The following TAFA4 variants were observed in gnomAD, a reference collection of about 807,000 sequenced individuals.
The protein encoded by TAFA4 is chemokine-like protein TAFA-4.
Under a neutral mutation model 21.1 loss-of-function variants are expected in TAFA4, and 20 were observed. That is an observed-to-expected ratio of 0.95 (90% CI 0.67 to 1.38). TAFA4 has a LOEUF of 1.38. TAFA4 is among the 40% of genes most tolerant of loss of function. TAFA4 has a pLI of 0.00. For synonymous variants in TAFA4, 71 were observed against 67.4 expected (o/e 1.05, Z -0.26); for missense variants, 211 against 180.9 (o/e 1.17, Z -0.95).
Position 68,798,212 on chromosome 3 carries a change from T to C in TAFA4, c.131-45194A>G, listed in dbSNP as rs542293051. Among the ~76,000 whole-genome samples, 10 of 152,318 alleles carry C rather than the reference T, an allele frequency of 6.6e-5. No homozygotes were observed. The South Asian group carries it at 2.1e-3, about 32-fold the overall frequency. On this transcript the variant is annotated intron_variant, in intron 3 of 5. Transcript: ENST00000295569. ...ATGCAATTGGTAAATGGAGATATGC[T>C]GAAGTCAGCTGGTGTGTACAAAGGT...
Position 68,899,564 on chromosome 3 carries a change from G to A in TAFA4, c.-122-14254C>T, listed in dbSNP as rs530586939. Among the ~76,000 whole-genome samples, 7 of 152,214 alleles carry A rather than the reference G, an allele frequency of 4.6e-5. No individual in the cohort carries two copies. In the East Asian group the frequency reaches 9.7e-4, roughly 21 times the overall value. On this transcript the variant is annotated intron_variant, in intron 1 of 5. Transcript: ENST00000295569. ...TCACATTTATAACGCATTACAACCA[G>A]AACTTGAGGCCTAAGAAATTTCTAT...
Position 68,885,192 on chromosome 3 carries a change from A to C in TAFA4, c.-4T>G. The stretch of plus-strand genomic sequence containing the variant: ...AATCTTACCTTGGGGACCTCATAAG[A>C]TGTGGTTCTAGTCAAACACACTTAT... On this transcript the variant is annotated 5_prime_UTR_variant, in exon 2 of 6. Coordinates refer to ENST00000295569, the MANE Select transcript of TAFA4 (RefSeq NM_182522.5). 6.2e-7 allele frequency: 1 copy of C among 1,612,824 alleles called. No individual in the cohort carries two copies. Among genetic ancestry groups the C allele is most frequent in the Non-Finnish European group, 8.5e-7 (1 of 1,179,342 alleles).
chr3:68,803,373 A>G (rs555738042), intron 3 of TAFA4, among the ~76,000 whole-genome samples: 2 of 152,316 alleles, frequency 1.3e-5, no homozygotes, highest in East Asian at 3.9e-4. Flanking sequence ...TGGTGAAATG[A>G]CAAGAGTCCG....
At chr3:68,741,802 AAAAATAAAAAT>A (rs1702359637) in intron 4 of TAFA4, among the ~76,000 whole-genome samples, 9 of 150,266 alleles carry the variant, frequency 6.0e-5, no homozygotes, top group Admixed American at 4.0e-4. Flanking sequence ...AAAAAAAAAT[AAAAATAAAAAT>A]AAAAACTCTC....
At chr3:68,835,211 T>G (rs1159975501) in intron 3 of TAFA4, among the ~76,000 whole-genome samples, 3 of 152,160 alleles carry the variant, frequency 2.0e-5, no homozygotes, top group African/African-American at 7.2e-5. Context: ...TTATTTGAAA[T>G]AGCAAACTCC....
chr3:68,866,317 G>T (rs2106929992), intron 3 of TAFA4, among the ~76,000 whole-genome samples: 1 of 152,064 alleles, frequency 6.6e-6, no homozygotes, highest in South Asian at 2.1e-4. Context: ...GACTGGCAGA[G>T]CTCTGAACCT....
chr3:68,810,708 A>C (rs1245451030), intron 3 of TAFA4, among the ~76,000 whole-genome samples: 2 of 152,340 alleles, frequency 1.3e-5, no homozygotes, highest in Non-Finnish European at 2.9e-5. Context: ...CCGCAGCTCA[A>C]GGAGGACTGT....
chr3:68,932,023 G>C (rs966654068), intron 1 of TAFA4, among the ~76,000 whole-genome samples: 1 of 152,028 alleles, frequency 6.6e-6, no homozygotes, highest in African/African-American at 2.4e-5. Flanking sequence ...CCTTACTTCG[G>C]AGTGCCCCTT....
intron 3 of TAFA4, among the ~76,000 whole-genome samples, chr3:68,836,621 A>T (rs552484801): frequency 1.3e-5 from 2 of 152,374 alleles, no homozygotes; most frequent in African/African-American, 4.8e-5. Context: ...AGGAACTCTT[A>T]TAGGTAGTAG....
At chr3:68,734,556 G>T (rs1296945775) in intron 5 of TAFA4, among the ~76,000 whole-genome samples, 1 of 151,980 alleles carries the variant, frequency 6.6e-6, no homozygotes, top group Non-Finnish European at 1.5e-5. Context: ...AGACTGAACT[G>T]TCAACTTAAA....
intron 1 of TAFA4, chr3:68,915,961 C>T (rs547095938): frequency 6.6e-6 from 1 of 152,344 alleles, no homozygotes; most frequent in South Asian, 2.1e-4. Flanking sequence ...TCTCCTTAGA[C>T]TTTAAGTGAC....
In TAFA4 at chr3:68,885,204, T is replaced by TCAAA. The variant is rs748343609; in HGVS notation, c.-20_-17dup. 13 of 1,611,588 alleles carry TCAAA rather than the reference T, an allele frequency of 8.1e-6. No homozygotes were observed. The African/African-American group carries it at 1.6e-4, about 20-fold the overall frequency. On this transcript the variant is annotated 5_prime_UTR_variant, in exon 2 of 6. It removes the in-frame stop codon of an upstream open reading frame in the 5' UTR. Coordinates refer to ENST00000295569, the MANE Select transcript of TAFA4 (RefSeq NM_182522.5). ...GGGACCTCATAAGATGTGGTTCTAG[T>TCAAA]CAAACACACTTATTCCAGGATATAT...
chr3:68,734,249 C>T (rs921492201), intron 5 of TAFA4, among the ~76,000 whole-genome samples: 1 of 152,000 alleles, frequency 6.6e-6, no homozygotes, highest in Non-Finnish European at 1.5e-5. Context: ...ATGTAAAACC[C>T]AGTCTTAGCT....
intron 3 of TAFA4, among the ~76,000 whole-genome samples, chr3:68,875,092 C>T (rs1043209450): frequency 1.3e-5 from 2 of 152,118 alleles, no homozygotes; most frequent in Admixed American, 6.5e-5. Context: ...ACAGTCCTTC[C>T]CAAGAGGTGG....
At chr3:68,909,487 T>C (rs775365678) in intron 1 of TAFA4, among the ~76,000 whole-genome samples, 14 of 152,018 alleles carry the variant, frequency 9.2e-5, no homozygotes, top group Non-Finnish European at 1.6e-4. Context: ...AATCAACCCA[T>C]GAAATAGGAA....
At chr3:68,857,728 G>C (rs1417584881) in intron 3 of TAFA4, among the ~76,000 whole-genome samples, 2 of 151,512 alleles carry the variant, frequency 1.3e-5, no homozygotes, top group Non-Finnish European at 2.9e-5. Context: ...AAGTGTTCAA[G>C]ACTGTTCCGA....
At chr3:68,876,099 C>A (rs2089546759) in intron 3 of TAFA4, among the ~76,000 whole-genome samples, 1 of 152,150 alleles carries the variant, frequency 6.6e-6, no homozygotes, top group Non-Finnish European at 1.5e-5. Flanking sequence ...TGGGACTTAT[C>A]ATAGTAGGCT....
chr3:68,880,896 C>T (rs780756699), intron 2 of TAFA4, 51 bp from the exon 3 acceptor site: 3 of 1,450,404 alleles, frequency 2.1e-6, no homozygotes, highest in Non-Finnish European at 1.9e-6. Flanking sequence ...AGGCCAGACT[C>T]CCTGGCAAGC....
At chr3:68,921,093 AGGG>A (rs2090057167) in intron 1 of TAFA4, among the ~76,000 whole-genome samples, 1 of 152,130 alleles carries the variant, frequency 6.6e-6, no homozygotes, top group South Asian at 2.1e-4. Flanking sequence ...AAACCTGCCG[AGGG>A]GACAACAGTG....
Sources: allele counts gnomAD v4.1 joint callset (sites outside exome capture counted in the v4.1 genomes callset), GRCh38; gene constraint gnomAD v4.1.1; transcripts MANE v1.5; gene names NCBI Gene and HGNC (gene_info 2026-07-23, HGNC 2026-07-21).